The following ANKRD55 variants were observed in gnomAD, a reference collection of about 807,000 sequenced individuals.
The protein encoded by ANKRD55 is ankyrin repeat domain-containing protein 55.
Under a neutral mutation model 60.6 loss-of-function variants are expected in ANKRD55, and 41 were observed. The ratio of observed to expected loss-of-function variants is 0.68; its 90% CI spans 0.53 to 0.88. The LOEUF (loss-of-function observed/expected upper bound fraction) is 0.88. ANKRD55 is among the 40% of genes least tolerant of loss of function. The probability of loss-of-function intolerance (pLI) is 0.00; values close to 1 mark genes in which losing one functional copy is unlikely to be tolerated. For synonymous variants in ANKRD55, 264 were observed against 290.3 expected (o/e 0.91, Z 0.92); for missense variants, 732 against 767.6 (o/e 0.95, Z 0.55).
At chr5:56,201,229 A>C (rs1359493902) in intron 2 of ANKRD55, among the ~76,000 whole-genome samples, 2 of 152,184 alleles carry the variant, frequency 1.3e-5, no homozygotes, top group Non-Finnish European at 2.9e-5. Context: ...ACCTATCCAC[A>C]AAGTGGCGTC....
Position 56,233,324 on chromosome 5 carries a change from G to A in ANKRD55, c.-117C>T, listed in dbSNP as rs1333194720. On this transcript the variant is annotated 5_prime_UTR_variant, in exon 1 of 12. Coordinates refer to ENST00000341048, the MANE Select transcript of ANKRD55 (RefSeq NM_024669.3). Reference sequence around the variant, plus strand: ...CTTTACACCAACAGAAATCTGAATGGGTGAGTGAGGATTCACAGGGCCAGA... The same window carrying A: ...CTTTACACCAACAGAAATCTGAATGAGTGAGTGAGGATTCACAGGGCCAGA... The A allele has an allele frequency of 4.5e-6, 1 of 220,862 alleles. No individual in the cohort carries two copies. The highest frequency in any genetic ancestry group is 2.3e-5 in the African/African-American group (1 of 43,714). 13.7% of individuals were successfully genotyped at this position (220,862 alleles called of 1,614,324 possible). A position where few individuals can be genotyped will look rare whatever the true frequency, so the allele number is the denominator to read the frequency against.
At chr5:56,142,274 C>A (rs1757791190) in intron 7 of ANKRD55, among the ~76,000 whole-genome samples, 1 of 152,116 alleles carries the variant, frequency 6.6e-6, no homozygotes, top group African/African-American at 2.4e-5. Context: ...GTGGAGGTTG[C>A]AGTGAGCTGA....
chr5:56,171,719 C>G (rs970612732), intron 4 of ANKRD55, among the ~76,000 whole-genome samples: 1 of 152,186 alleles, frequency 6.6e-6, no homozygotes, highest in Non-Finnish European at 1.5e-5. Context: ...TGTTCAGAAG[C>G]AGGCTTCCCA....
At chr5:56,208,381 T>C (rs1759566643) in intron 2 of ANKRD55, among the ~76,000 whole-genome samples, 1 of 151,946 alleles carries the variant, frequency 6.6e-6, no homozygotes, top group South Asian at 2.1e-4. Context: ...ATTAACGTAC[T>C]GTACATAATT....
At position 56,111,537 on chromosome 5, in the gene ANKRD55, ACCATAGCCACCTGATCACCAGG is replaced by A; in HGVS notation, c.1189_1210del (p.Pro397LeufsTer44). On this transcript the variant is annotated frameshift_variant, in exon 10 of 12. Coordinates refer to ENST00000341048, the MANE Select transcript of ANKRD55 (RefSeq NM_024669.3). LOFTEE classifies it high-confidence loss of function. ...GTCTGAGGTTTTCTTCTTAAATTCA[ACCATAGCCACCTGATCACCAGG>A]CTGTTCTTGGCAGTTGGTACCCACG... 6 of 1,613,726 alleles carry A rather than the reference ACCATAGCCACCTGATCACCAGG, an allele frequency of 3.7e-6. No homozygotes were observed. The highest frequency in any genetic ancestry group is 5.1e-6 in the Non-Finnish European group (6 of 1,179,940).
chr5:56,132,775 C>T (rs1312511638), intron 7 of ANKRD55, among the ~76,000 whole-genome samples: 1 of 152,040 alleles, frequency 6.6e-6, no homozygotes, highest in African/African-American at 2.4e-5. Context: ...ATAAGAAACC[C>T]ACTTTAAATA....
intron 6 of ANKRD55, among the ~76,000 whole-genome samples, chr5:56,150,315 GC>G (rs1349421943): frequency 1.3e-5 from 2 of 152,046 alleles, no homozygotes; most frequent in East Asian, 3.8e-4. Context: ...AACAATTGTA[GC>G]AGTTTGTGCT....
intron 2 of ANKRD55, among the ~76,000 whole-genome samples, chr5:56,186,600 T>C (rs942031936): frequency 1.3e-5 from 2 of 152,222 alleles, no homozygotes; most frequent in East Asian, 1.9e-4. Context: ...TAATAGTGTA[T>C]ATATTTGCTG....
intron 6 of ANKRD55, among the ~76,000 whole-genome samples, chr5:56,152,360 G>A (rs992976601): frequency 6.6e-6 from 1 of 151,846 alleles, no homozygotes. Context: ...TACAATTGAA[G>A]TTTTGTTTGT....
intron 7 of ANKRD55, among the ~76,000 whole-genome samples, chr5:56,135,294 G>GCTTTCTTTCTTTCTTT (rs1255557630): frequency 2.4e-5 from 2 of 84,384 alleles, no homozygotes; most frequent in African/African-American, 4.7e-5. Context: ...CTGCCTGCTT[G>GCTTTCTTTCTTTCTTT]CTTTCTTTCT....
At chr5:56,207,814 T>G (rs1363129001) in intron 2 of ANKRD55, among the ~76,000 whole-genome samples, 2 of 152,226 alleles carry the variant, frequency 1.3e-5, no homozygotes, top group African/African-American at 4.8e-5. Context: ...TGCACTACTG[T>G]AGACTTTATA....
At chr5:56,171,601 T>C (rs1254574624) in intron 4 of ANKRD55, among the ~76,000 whole-genome samples, 1 of 152,232 alleles carries the variant, frequency 6.6e-6, no homozygotes, top group Non-Finnish European at 1.5e-5. Flanking sequence ...CTAAAGAGGA[T>C]GTCTCCTACG....
intron 10 of ANKRD55, chr5:56,110,529 A>G (rs1183062993): frequency 6.8e-6 from 1 of 146,434 alleles, no homozygotes; most frequent in Non-Finnish European, 1.5e-5. Flanking sequence ...CAAAAAATGC[A>G]TTTTTTTTTT....
chr5:56,131,463 G>A (rs1757409077), intron 7 of ANKRD55, among the ~76,000 whole-genome samples: 1 of 152,010 alleles, frequency 6.6e-6, no homozygotes, highest in South Asian at 2.1e-4. Context: ...AAAATTGAGG[G>A]AATTTGTTAC....
chr5:56,174,704 T>C (rs1442600379), intron 4 of ANKRD55, among the ~76,000 whole-genome samples: 1 of 151,978 alleles, frequency 6.6e-6, no homozygotes, highest in Non-Finnish European at 1.5e-5. Flanking sequence ...TGGTGGTGCA[T>C]GCCTGTAGTC....
intron 7 of ANKRD55, among the ~76,000 whole-genome samples, chr5:56,135,125 A>G (rs1757523838): frequency 6.6e-6 from 1 of 152,156 alleles, no homozygotes; most frequent in African/African-American, 2.4e-5. Flanking sequence ...CATCTATAGA[A>G]AACCTATAGC....
At chr5:56,201,314 G>A (rs1759371294) in intron 2 of ANKRD55, among the ~76,000 whole-genome samples, 1 of 152,126 alleles carries the variant, frequency 6.6e-6, no homozygotes, top group Non-Finnish European at 1.5e-5. Context: ...GCCACCCACT[G>A]GTAATAAAGA....
chr5:56,173,566 C>CTATA (rs1758660236), intron 4 of ANKRD55, among the ~76,000 whole-genome samples: 2 of 113,980 alleles, frequency 1.8e-5, no homozygotes, highest in Non-Finnish European at 3.5e-5. Context: ...CTCTCTCTCT[C>CTATA]TCTCTCTCTC....
intron 6 of ANKRD55, among the ~76,000 whole-genome samples, chr5:56,159,436 G>A (rs1210968256): frequency 1.3e-5 from 2 of 151,848 alleles, no homozygotes; most frequent in East Asian, 1.9e-4. Flanking sequence ...ACTCCAGCCT[G>A]GGCAACAAGA....
Sources: gnomAD v4.1 joint callset for allele counts (sites outside exome capture counted in the v4.1 genomes callset) on GRCh38, gnomAD v4.1.1 for gene constraint, MANE v1.5 for transcripts, NCBI Gene and HGNC (gene_info 2026-07-23, HGNC 2026-07-21) for gene names.